OSBPL9: variants seen among roughly 807,000 people sequenced by gnomAD.
OSBPL9 encodes the protein oxysterol-binding protein-related protein 9.
A neutral mutation model predicts 106.6 loss-of-function variants in OSBPL9; 40 were observed. That is an observed-to-expected ratio of 0.38 (90% confidence interval 0.29 to 0.49). The LOEUF (loss-of-function observed/expected upper bound fraction) is 0.49. OSBPL9 is among the 20% of genes least tolerant of loss of function. The pLI is 0.97. For synonymous variants in OSBPL9, 269 were observed against 295.4 expected (o/e 0.91, Z 0.92); for missense variants, 609 against 887.2 (o/e 0.69, Z 3.98).
At chr1:51,525,666 C>A in the OSBPL9 span, among the ~76,000 whole-genome samples, 2 of 152,236 alleles carry the variant, frequency 1.3e-5, no homozygotes. Context: ...ACCACCTCCA[C>A]TACCATGGCC....
At chr1:51,774,016 G>T (rs1481200323) in intron 14 of OSBPL9, among the ~76,000 whole-genome samples, 1 of 152,036 alleles carries the variant, frequency 6.6e-6, no homozygotes, top group East Asian at 1.9e-4. Flanking sequence ...GGCTCATTAG[G>T]CTTCCTGTTG....
At chr1:51,593,027 C>A (rs371284418) in intron 1 of OSBPL9, among the ~76,000 whole-genome samples, 1 of 152,106 alleles carries the variant, frequency 6.6e-6, no homozygotes, top group East Asian at 1.9e-4. Flanking sequence ...TTGAACCTAT[C>A]CTTGGAAAAG....
chr1:51,712,599 A>G (rs1395563481), intron 3 of OSBPL9, among the ~76,000 whole-genome samples: 1 of 152,114 alleles, frequency 6.6e-6, no homozygotes, highest in Non-Finnish European at 1.5e-5. Context: ...CACTTTTGGA[A>G]TTTATATTTG....
chr1:51,652,220 A>G (rs1646560668), intron 2 of OSBPL9, among the ~76,000 whole-genome samples, 179 bp downstream of exon 2: 2 of 152,202 alleles, frequency 1.3e-5, no homozygotes, highest in Non-Finnish European at 2.9e-5. Context: ...CAGAACCAGG[A>G]CTAGAACTCA....
chr1:51,765,747 G>T (rs1157639823), intron 11 of OSBPL9, 75 bp from the exon 12 acceptor site: 10 of 1,329,130 alleles, frequency 7.5e-6, no homozygotes, highest in South Asian at 1.7e-5. Context: ...TTTTAGAAAA[G>T]TCTGCTTTGA....
chr1:51,607,032 AGAGT>A (rs1205214272), intron 2 of OSBPL9, among the ~76,000 whole-genome samples: 6 of 152,040 alleles, frequency 3.9e-5, no homozygotes, highest in Admixed American at 2.6e-4. Context: ...CCTGGGCGAC[AGAGT>A]GAGACTCCAT....
intron 12 of OSBPL9, among the ~76,000 whole-genome samples, chr1:51,768,962 T>C (rs1673245396): frequency 6.6e-6 from 1 of 152,236 alleles, no homozygotes; most frequent in South Asian, 2.1e-4. Context: ...TATATTCTAA[T>C]CTAGAAGCCC....
intron 4 of OSBPL9, among the ~76,000 whole-genome samples, chr1:51,733,168 T>C (rs1226400613): frequency 6.6e-6 from 1 of 152,228 alleles, no homozygotes; most frequent in Non-Finnish European, 1.5e-5. Context: ...CTAAGTTGTA[T>C]TGTAAATTTT....
At chr1:51,583,732 C>T (rs1254844053) in intron 1 of OSBPL9, 3 of 152,202 alleles carry the variant, frequency 2.0e-5, no homozygotes, top group Non-Finnish European at 4.4e-5. Flanking sequence ...TTCCTCAGCC[C>T]TGCTGAGCTG....
At chr1:51,615,052 G>C (rs983940291), upstream of OSBPL9, among the ~76,000 whole-genome samples, 2 of 152,174 alleles carry the variant, frequency 1.3e-5, no homozygotes, top group Non-Finnish European at 2.9e-5. Flanking sequence ...CTGAGGTCAG[G>C]AGTTTGAGAC....
At chr1:51,718,219 C>T (rs141135859) in intron 4 of OSBPL9, among the ~76,000 whole-genome samples, 1,688 of 151,778 alleles carry the variant, frequency 0.011, 125 homozygotes, top group Admixed American at 0.1. Context: ...GGTGGTTGGG[C>T]GTATAAGTGT....
chr1:51,747,536 A>G (rs1442710616), intron 6 of OSBPL9, among the ~76,000 whole-genome samples: 2 of 51,494 alleles, frequency 3.9e-5, no homozygotes, highest in Admixed American at 3.6e-4. Context: ...TCTAATTAAC[A>G]TTTTTCCTCT....
At chr1:51,619,294 C>G (rs1252312497) in intron 1 of OSBPL9, among the ~76,000 whole-genome samples, 1 of 152,094 alleles carries the variant, frequency 6.6e-6, no homozygotes, top group Non-Finnish European at 1.5e-5. Context: ...GGAGAGGCCC[C>G]CAGCTGAGGT....
At chr1:51,728,897 A>G (rs1404455332) in intron 4 of OSBPL9, among the ~76,000 whole-genome samples, 3 of 152,178 alleles carry the variant, frequency 2.0e-5, no homozygotes, top group African/African-American at 7.2e-5. Context: ...ATAAAAGTAC[A>G]AAAGATAATT....
intron 9 of OSBPL9, among the ~76,000 whole-genome samples, chr1:51,758,749 A>C (rs1670894380): frequency 6.6e-6 from 1 of 152,180 alleles, no homozygotes; most frequent in Admixed American, 6.5e-5. Flanking sequence ...AGGAGGTGTG[A>C]CATATTCTCA....
At chr1:51,577,321 CTTTTTT>C (rs762583157) in intron 1 of OSBPL9, 2 of 129,884 alleles carry the variant, frequency 1.5e-5, no homozygotes, top group African/African-American at 2.9e-5. Flanking sequence ...TTTTTCTTTT[CTTTTTT>C]TTTTTTTTTT....
At chr1:51,596,855 T>C (rs1004029825) in intron 1 of OSBPL9, among the ~76,000 whole-genome samples, 1 of 152,136 alleles carries the variant, frequency 6.6e-6, no homozygotes, top group African/African-American at 2.4e-5. Context: ...GGACTGAAGA[T>C]ACAGTGGAGA....
chr1:51,522,047 G>A, the OSBPL9 span, among the ~76,000 whole-genome samples: 4 of 152,086 alleles, frequency 2.6e-5, no homozygotes, highest in African/African-American at 4.8e-5. Context: ...GTGAGCCACC[G>A]TGCCCGGCCA....
intron 5 of OSBPL9, among the ~76,000 whole-genome samples, chr1:51,746,047 C>A (rs553560824): frequency 6.6e-6 from 1 of 152,088 alleles, no homozygotes; most frequent in Non-Finnish European, 1.5e-5. Flanking sequence ...CTGCAACCTC[C>A]GCCTCCCGGG....
Sources: allele counts gnomAD v4.1 joint callset (sites outside exome capture counted in the v4.1 genomes callset), GRCh38; gene constraint gnomAD v4.1.1; transcripts MANE v1.5; gene names NCBI Gene and HGNC (gene_info 2026-07-23, HGNC 2026-07-21).